PTPRK: variants seen among roughly 807,000 people sequenced by gnomAD.
The protein encoded by PTPRK is receptor-type tyrosine-protein phosphatase kappa.
A neutral mutation model predicts 178.0 loss-of-function variants in PTPRK; 75 were observed. The observed-to-expected ratio is 0.42, with a 90% confidence interval of 0.35 to 0.51. The LOEUF is 0.51. Ranked by LOEUF, PTPRK falls within the 20% of genes least tolerant of loss-of-function variation. The probability of loss-of-function intolerance (pLI) is 0.02; values close to 1 mark genes in which losing one functional copy is unlikely to be tolerated. For synonymous variants in PTPRK, 637 were observed against 620.6 expected (o/e 1.03, Z -0.39); for missense variants, 1,441 against 1,797.8 (o/e 0.80, Z 3.59).
intron 6 of PTPRK, among the ~76,000 whole-genome samples, chr6:128,205,919 T>A (rs915835580): frequency 8.6e-5 from 13 of 151,808 alleles, no homozygotes; most frequent in Non-Finnish European, 1.3e-4. Flanking sequence ...TTATTTTCCA[T>A]ATAGTTGTTA....
At chr6:128,117,408 T>C (rs777866812) in intron 7 of PTPRK, among the ~76,000 whole-genome samples, 21 of 152,190 alleles carry the variant, frequency 1.4e-4, no homozygotes, top group Non-Finnish European at 2.2e-4. Flanking sequence ...GATTAGGTAA[T>C]GCTTCCGCAA....
chr6:128,230,646 A>G (rs545873305), intron 5 of PTPRK: 1 of 152,338 alleles, frequency 6.6e-6, no homozygotes, highest in Admixed American at 6.5e-5. Flanking sequence ...TTCATAAAGA[A>G]GAAACCAGGC....
chr6:128,053,058 A>G (rs937325596), intron 13 of PTPRK, among the ~76,000 whole-genome samples: 2 of 151,818 alleles, frequency 1.3e-5, no homozygotes, highest in Non-Finnish European at 2.9e-5. Context: ...TTATTGGATA[A>G]TGGTATTTAG....
intron 13 of PTPRK, among the ~76,000 whole-genome samples, chr6:128,042,906 T>C (rs11964585): frequency 0.022 from 3,350 of 152,150 alleles, 111 homozygotes; most frequent in African/African-American, 0.077. Flanking sequence ...ATCAAGTATT[T>C]TGCCATCTTT....
Position 127,976,504 on chromosome 6 carries a change from C to T in PTPRK, c.3969+153G>A, listed in dbSNP as rs138093756. 5.3e-4 allele frequency among the ~76,000 whole-genome samples: 80 copies of T among 152,190 alleles called. 1 individual carries two copies. In the East Asian group the frequency reaches 0.011, roughly 22 times the overall value. On this transcript the variant is annotated intron_variant, in intron 27 of 29. Coordinates refer to ENST00000368226, the MANE Select transcript of PTPRK (RefSeq NM_002844.4). Reference sequence around the variant, plus strand: ...ATTTCTGTTTTCCTGTATTTTTATTCGAGTACTAAGGCATAAGATGGTTAC... The same window carrying T: ...ATTTCTGTTTTCCTGTATTTTTATTTGAGTACTAAGGCATAAGATGGTTAC...
rs1364500628 is a variant in PTPRK at position 128,219,127 on chromosome 6, G to T, written c.694-31C>A. Reference sequence around the variant, plus strand: ...AACAGAAACCAATCTTTAAAAACAGGTTCTTACTATTTTCATAAATCTATA... The same window carrying T: ...AACAGAAACCAATCTTTAAAAACAGTTTCTTACTATTTTCATAAATCTATA... On this transcript the variant is annotated intron_variant, in intron 5 of 29. Coordinates refer to ENST00000368226, the MANE Select transcript of PTPRK (RefSeq NM_002844.4). 2.6e-6 allele frequency: 4 copies of T among 1,551,146 alleles called. No individual in the cohort carries two copies. In the East Asian group the frequency reaches 9.1e-5, roughly 35 times the overall value.
At chr6:128,184,953 A>AT (rs373452592) in intron 6 of PTPRK, among the ~76,000 whole-genome samples, 22 of 152,080 alleles carry the variant, frequency 1.4e-4, no homozygotes, top group African/African-American at 2.2e-4. Context: ...TTAAAAACAC[A>AT]TTTTTTTTCA....
intron 3 of PTPRK, among the ~76,000 whole-genome samples, chr6:128,298,703 A>T (rs541530023): frequency 0.066 from 10,068 of 152,204 alleles, 374 homozygotes; most frequent in Non-Finnish European, 0.07. Context: ...TAAATTAGGT[A>T]TTGATGGGAC....
chr6:128,190,841 C>A (rs1322516162), intron 6 of PTPRK, among the ~76,000 whole-genome samples: 3 of 152,090 alleles, frequency 2.0e-5, no homozygotes, highest in African/African-American at 4.8e-5. Context: ...GGCTCATAAG[C>A]TTGTACTGGT....
intron 7 of PTPRK, among the ~76,000 whole-genome samples, chr6:128,168,188 G>A (rs770771108): frequency 1.3e-5 from 2 of 151,986 alleles, no homozygotes; most frequent in Non-Finnish European, 2.9e-5. Flanking sequence ...TCCCAAATAA[G>A]CGGCAGCTCA....
chr6:128,298,589 C>A (rs1052221925), intron 3 of PTPRK, among the ~76,000 whole-genome samples: 13 of 152,200 alleles, frequency 8.5e-5, no homozygotes, highest in African/African-American at 2.9e-4. Context: ...AAATGTAATC[C>A]AGCATATAAA....
chr6:128,069,750 C>T (rs556633381), intron 11 of PTPRK, among the ~76,000 whole-genome samples: 3 of 152,096 alleles, frequency 2.0e-5, no homozygotes, highest in East Asian at 1.9e-4. Flanking sequence ...ATCTAGTGAA[C>T]ATTCAATCTT....
intron 13 of PTPRK, among the ~76,000 whole-genome samples, chr6:128,039,226 C>T (rs1345352152): frequency 6.6e-6 from 1 of 152,080 alleles, no homozygotes; most frequent in Non-Finnish European, 1.5e-5. Flanking sequence ...AAGGATTAAA[C>T]ATATACTCAT....
At chr6:128,217,930 G>A (rs568265635) in intron 6 of PTPRK, among the ~76,000 whole-genome samples, 2 of 152,256 alleles carry the variant, frequency 1.3e-5, no homozygotes, top group South Asian at 2.1e-4. Context: ...TTTCATTTGT[G>A]TCAATATTGA....
chr6:128,464,638 C>CACATATATATATATATAT (rs1164450520), intron 1 of PTPRK, among the ~76,000 whole-genome samples: 25 of 48,608 alleles, frequency 5.1e-4, no homozygotes, highest in African/African-American at 9.4e-4. Context: ...TATATATACA[C>CACATATATATATATATAT]ATATATATAT....
At chr6:128,436,535 T>C (rs1341320728) in intron 1 of PTPRK, among the ~76,000 whole-genome samples, 2 of 152,206 alleles carry the variant, frequency 1.3e-5, no homozygotes, top group Non-Finnish European at 2.9e-5. Flanking sequence ...AGATTATTTA[T>C]GGGACTTAAA....
intron 13 of PTPRK, among the ~76,000 whole-genome samples, chr6:128,053,794 A>G (rs947414220): frequency 1.3e-5 from 2 of 152,168 alleles, no homozygotes; most frequent in African/African-American, 4.8e-5. Flanking sequence ...GGTCTGTGGG[A>G]CCACTGCTGC....
chr6:128,319,526 A>C (rs1562275835), intron 3 of PTPRK, among the ~76,000 whole-genome samples: 1 of 152,184 alleles, frequency 6.6e-6, no homozygotes, highest in Non-Finnish European at 1.5e-5. Flanking sequence ...TCATGCTTTC[A>C]AAATAAAAGA....
At chr6:128,299,989 T>C (rs1825283754) in intron 3 of PTPRK, among the ~76,000 whole-genome samples, 2 of 152,030 alleles carry the variant, frequency 1.3e-5, no homozygotes, top group Admixed American at 6.6e-5. Context: ...AAAGGGCTAA[T>C]ATCCAGAATC....
Sources: gnomAD v4.1 joint callset for allele counts (sites outside exome capture counted in the v4.1 genomes callset) on GRCh38, gnomAD v4.1.1 for gene constraint, MANE v1.5 for transcripts, NCBI Gene and HGNC (gene_info 2026-07-23, HGNC 2026-07-21) for gene names.